The following PDS5A variants were observed in gnomAD, a reference collection of about 807,000 sequenced individuals.
PDS5A encodes PDS5 cohesin associated factor A.
Under a neutral mutation model 167.1 loss-of-function variants are expected in PDS5A, and 42 were observed. That is an observed-to-expected ratio of 0.25 (90% confidence interval 0.20 to 0.33). PDS5A has a LOEUF of 0.33. Among genes scored for constraint, PDS5A ranks in the 10% least tolerant of loss-of-function variants. PDS5A has a pLI of 1.00. For synonymous variants in PDS5A, 553 were observed against 554.6 expected, an observed-to-expected ratio of 1.00 and a Z score of 0.04; for missense variants, 1,033 against 1,605.9, an observed-to-expected ratio of 0.64 and a Z score of 6.10.
At chr4:39,967,786 C>T (rs375351625) in intron 2 of PDS5A, among the ~76,000 whole-genome samples, 3 of 151,878 alleles carry the variant, frequency 2.0e-5, no homozygotes, top group Non-Finnish European at 4.4e-5. Context: ...GGTGAAACCC[C>T]GTCTCTAACT....
At chr4:39,936,145 T>C (rs1726578137) in intron 2 of PDS5A, among the ~76,000 whole-genome samples, 1 of 152,206 alleles carries the variant, frequency 6.6e-6, no homozygotes, top group South Asian at 2.1e-4. Flanking sequence ...ATGGTTTCAA[T>C]GCTGTGTATG....
intron 11 of PDS5A, among the ~76,000 whole-genome samples, chr4:39,906,697 A>T (rs866129731): frequency 6.6e-6 from 1 of 151,942 alleles, no homozygotes; most frequent in Non-Finnish European, 1.5e-5. Context: ...CAAGAGGATC[A>T]CTTGAATCCA....
intron 26 of PDS5A, among the ~76,000 whole-genome samples, chr4:39,859,580 T>A (rs923404245): frequency 6.6e-6 from 1 of 152,252 alleles, no homozygotes; most frequent in Non-Finnish European, 1.5e-5. Context: ...CCATCTTTAA[T>A]GCACCTGAAG....
rs549954540 is a variant in PDS5A at position 39,831,827 on chromosome 4, G to A, written c.4010+6029C>T. ...GAAGGCGGAGGTTGCGGTGAGCCGAGATCACACCATTGCACTCCAGCCTAG... is the reference window on the plus strand; with the variant it reads ...GAAGGCGGAGGTTGCGGTGAGCCGAAATCACACCATTGCACTCCAGCCTAG... On this transcript the variant is annotated intron_variant, in intron 32 of 32. Transcript: ENST00000303538. 4.3e-5 allele frequency among the ~76,000 whole-genome samples: 5 copies of A among 115,110 alleles called. No individual in the cohort carries two copies. In the South Asian group the frequency reaches 1.5e-3, roughly 35 times the overall value. The allele number at this position is 115,110 out of a possible 152,430, so 75.5% of individuals were successfully genotyped here.
chr4:39,837,776 G>A (rs1175272373), intron 32 of PDS5A, 80 bp downstream of exon 32: 4 of 1,006,718 alleles, frequency 4.0e-6, no homozygotes, highest in Non-Finnish European at 5.8e-6. Context: ...TTAGGTGTTT[G>A]GGGTGACTGG....
At chr4:39,896,584 T>G (rs1189470192) in intron 16 of PDS5A, among the ~76,000 whole-genome samples, 1 of 151,808 alleles carries the variant, frequency 6.6e-6, no homozygotes, top group Non-Finnish European at 1.5e-5. Flanking sequence ...TTGGACAACA[T>G]GGAGAAACCC....
intron 22 of PDS5A, among the ~76,000 whole-genome samples, chr4:39,868,168 A>G (rs1719718435): frequency 6.6e-6 from 1 of 152,076 alleles, no homozygotes; most frequent in Admixed American, 6.6e-5. Context: ...AATGTCACAA[A>G]TTTAGTAACA....
intron 13 of PDS5A, among the ~76,000 whole-genome samples, chr4:39,900,821 TAAAAC>T (rs1260141446): frequency 8.6e-5 from 13 of 151,456 alleles, no homozygotes; most frequent in Admixed American, 2.6e-4. Context: ...GCAAGGGACA[TAAAAC>T]AAACTGAAAA....
chr4:39,930,246 A>AAAAAAAAAAAAAAAAAAATTT, intron 2 of PDS5A, among the ~76,000 whole-genome samples: 1 of 93,090 alleles, frequency 1.1e-5, no homozygotes, highest in Admixed American at 1.1e-4. Flanking sequence ...AAAAAAAAAA[A>AAAAAAAAAAAAAAAAAAATTT]GTTTTTTTGT....
At chr4:39,956,289 G>A (rs1425088134) in intron 2 of PDS5A, among the ~76,000 whole-genome samples, 2 of 151,672 alleles carry the variant, frequency 1.3e-5, no homozygotes, top group East Asian at 1.9e-4. Flanking sequence ...ATCAAGAGTT[G>A]GAGACTAGCC....
At chr4:39,929,860 C>T (rs888339808) in intron 2 of PDS5A, among the ~76,000 whole-genome samples, 6 of 150,902 alleles carry the variant, frequency 4.0e-5, no homozygotes, top group Non-Finnish European at 7.4e-5. Context: ...GTCCTCCAAC[C>T]TCAGCCTCCC....
intron 17 of PDS5A, among the ~76,000 whole-genome samples, chr4:39,888,221 G>A (rs924128703): frequency 1.0e-4 from 15 of 142,906 alleles, no homozygotes; most frequent in African/African-American, 3.7e-4. Context: ...ACTCCAGCTG[G>A]TGACAGAGCA....
intron 16 of PDS5A, chr4:39,897,975 G>C: frequency 1.2e-6 from 1 of 868,762 alleles, no homozygotes; most frequent in Non-Finnish European, 1.4e-6. Context: ...CAAAAGTCTA[G>C]ATAGGAATTT....
chr4:39,922,381 C>T (rs1329162971), intron 6 of PDS5A, among the ~76,000 whole-genome samples: 1 of 152,050 alleles, frequency 6.6e-6, no homozygotes, highest in African/African-American at 2.4e-5. Context: ...TGTGTGAATA[C>T]AAAACATTTT....
At chr4:39,941,473 C>T (rs1004081396) in intron 2 of PDS5A, among the ~76,000 whole-genome samples, 3 of 152,216 alleles carry the variant, frequency 2.0e-5, no homozygotes, top group Non-Finnish European at 2.9e-5. Flanking sequence ...TTTGCCAATA[C>T]GTGCTTCTTT....
At chr4:39,880,891 C>T (rs183831172) in intron 17 of PDS5A, among the ~76,000 whole-genome samples, 75 of 152,282 alleles carry the variant, frequency 4.9e-4, no homozygotes, top group African/African-American at 1.8e-3. Context: ...AATTCATCCA[C>T]CCATCTAGCT....
At chr4:39,921,179 G>T (rs1724923649) in intron 6 of PDS5A, among the ~76,000 whole-genome samples, 2 of 152,052 alleles carry the variant, frequency 1.3e-5, no homozygotes, top group Admixed American at 6.6e-5. Context: ...AGGTTTTGTG[G>T]GTCATACAAA....
chr4:39,825,842 C>G (rs1476007608), intron 32 of PDS5A, among the ~76,000 whole-genome samples: 1 of 152,120 alleles, frequency 6.6e-6, no homozygotes, highest in Non-Finnish European at 1.5e-5. Flanking sequence ...CTCAAGCGAT[C>G]TGGGAAGCCT....
At chr4:39,929,944 G>A (rs1188848874) in intron 2 of PDS5A, among the ~76,000 whole-genome samples, 1 of 150,938 alleles carries the variant, frequency 6.6e-6, no homozygotes, top group African/African-American at 2.4e-5. Flanking sequence ...GGCCGGGCGA[G>A]GTGGCTCATG....
Sources: gnomAD v4.1 joint callset for allele counts (sites outside exome capture counted in the v4.1 genomes callset) on GRCh38, gnomAD v4.1.1 for gene constraint, MANE v1.5 for transcripts, NCBI Gene and HGNC (gene_info 2026-07-23, HGNC 2026-07-21) for gene names.